The following NR2F2 variants were observed in gnomAD, a reference collection of about 807,000 sequenced individuals.
NR2F2 encodes the protein nuclear receptor subfamily 2 group F member 2.
A neutral mutation model predicts 34.8 loss-of-function variants in NR2F2; 2 were observed. The observed-to-expected ratio is 0.06, with a 90% CI of 0.02 to 0.18. NR2F2 has a LOEUF of 0.18. Ranked by LOEUF, NR2F2 falls within the 10% of genes least tolerant of loss-of-function variation. The pLI, the probability that NR2F2 is intolerant of heterozygous loss-of-function variation, is 1.00. For synonymous variants in NR2F2, 274 were observed against 251.8 expected, an observed-to-expected ratio of 1.09 and a Z score of -0.84; for missense variants, 300 against 580.1, an observed-to-expected ratio of 0.52 and a Z score of 4.96.
At chr15:96,333,860 A>G (rs947513885) in intron 1 of NR2F2, 1 of 1,421,732 alleles carries the variant, frequency 7.0e-7, no homozygotes, top group Non-Finnish European at 9.2e-7. Flanking sequence ...CCTCGGAGGC[A>G]AGTGTGCCCC....
Position 96,338,638 on chromosome 15 carries a change from A to C in NR2F2, c.*1016A>C, listed in dbSNP as rs1434505032. On this transcript the variant is annotated 3_prime_UTR_variant, in exon 3 of 3. Coordinates refer to ENST00000394166, the MANE Select transcript of NR2F2 (RefSeq NM_021005.4). ...CACTTATAGGTAACGTGATTGATTCAGTATCTTAGAGTTTACAGTTTGTGT... is the reference window on the plus strand; with the variant it reads ...CACTTATAGGTAACGTGATTGATTCCGTATCTTAGAGTTTACAGTTTGTGT... 1 of 152,562 alleles carries C rather than the reference A, an allele frequency of 6.6e-6. No individual in the cohort carries two copies. Among genetic ancestry groups the C allele is most frequent in the Non-Finnish European group, 1.5e-5 (1 of 68,032 alleles). 9.5% of individuals were successfully genotyped at this position (152,562 alleles called of 1,614,324 possible).
In NR2F2 at chr15:96,330,809, T is replaced by A; in HGVS notation, c.-1297T>A. On this transcript the variant is annotated 5_prime_UTR_variant, in exon 1 of 3. Transcript: ENST00000394166. ...TCTCTGTTCTTTTCTCTCCGCGGTG[T>A]GTGTGTGCGTGCGCGCGTGTGTGTT... The A allele has an allele frequency of 9.5e-7, 1 of 1,048,594 alleles. No homozygotes were observed. The highest frequency in any genetic ancestry group is 1.7e-5 in the African/African-American group (1 of 59,414). The allele number at this position is 1,048,594 out of a possible 1,614,324, so 65.0% of individuals were successfully genotyped here.
chr15:96,332,463 A>C lies in NR2F2; in HGVS notation c.358A>C (p.Asn120His). The change falls in exon 1 of 3, where the codon AAC (asparagine) becomes CAC (histidine). Residue 120 changes from asparagine to histidine, a missense_variant. Coordinates refer to ENST00000394166, the MANE Select transcript of NR2F2 (RefSeq NM_021005.4). ...NLSYTCRANR[N>H]CPIDQHHRNQ... ...GAGCTACACGTGCCGCGCCAACCGGAACTGTCCCATCGACCAGCACCATCG... is the reference window on the plus strand; with the variant it reads ...GAGCTACACGTGCCGCGCCAACCGGCACTGTCCCATCGACCAGCACCATCG... 6.2e-7 allele frequency: 1 copy of C among 1,614,188 alleles called. No homozygotes were observed. Among genetic ancestry groups the C allele is most frequent in the Non-Finnish European group, 8.5e-7 (1 of 1,180,020 alleles).
rs536062018 is a variant in NR2F2 at position 96,338,228 on chromosome 15, C to T, written c.*606C>T. The T allele has an allele frequency of 6.5e-6, 1 of 152,806 alleles. No individual in the cohort carries two copies. The highest frequency in any genetic ancestry group is 1.9e-4 in the East Asian group (1 of 5,194). 9.5% of individuals were successfully genotyped at this position (152,806 alleles called of 1,614,324 possible). ...AGGCAACTCAAAGATGATGGAAACG[C>T]ACTTACAAGTGGTGACCAAAATTTT... On this transcript the variant is annotated 3_prime_UTR_variant, in exon 3 of 3. Coordinates refer to ENST00000394166, the MANE Select transcript of NR2F2 (RefSeq NM_021005.4).
intron 1 of NR2F2, among the ~76,000 whole-genome samples, chr15:96,332,954 A>AC (rs1007363329): frequency 2.0e-5 from 3 of 151,070 alleles, no homozygotes; most frequent in Non-Finnish European, 2.9e-5. Context: ...AAAAAAAAAA[A>AC]AAAAAACCTG....
rs1323739418 is a variant in NR2F2 at position 96,338,485 on chromosome 15, G to A, written c.*863G>A. The A allele has an allele frequency of 6.6e-6, 1 of 152,576 alleles. No individual in the cohort carries two copies. The highest frequency in any genetic ancestry group is 2.4e-5 in the African/African-American group (1 of 41,438). The allele number at this position is 152,576 out of a possible 1,614,324, so 9.5% of individuals were successfully genotyped here. A position where few individuals can be genotyped will look rare whatever the true frequency, so the allele number is the denominator to read the frequency against. On this transcript the variant is annotated 3_prime_UTR_variant, in exon 3 of 3. Transcript: ENST00000394166. ...TGTAATTTGAATTGGGTCCCGCTTA[G>A]TTCTTGAATTGTTATGAAAATCCTA...
chr15:96,328,466 C>T (rs1899047788), upstream of NR2F2, among the ~76,000 whole-genome samples: 2 of 152,180 alleles, frequency 1.3e-5, no homozygotes, highest in Non-Finnish European at 2.9e-5. Context: ...TGGGAATGCC[C>T]ATTAGATTTC....
chr15:96,335,365 A>G (rs1330315928), intron 2 of NR2F2, among the ~76,000 whole-genome samples: 2 of 152,368 alleles, frequency 1.3e-5, no homozygotes, highest in East Asian at 3.9e-4. Flanking sequence ...GCATTATGCA[A>G]TCTAATTAGT....
At position 96,331,599 on chromosome 15, in the gene NR2F2, T is replaced by G. The variant is rs1899145174; in HGVS notation, c.-507T>G. The G allele has an allele frequency of 1.7e-6, 2 of 1,189,612 alleles. No individual in the cohort carries two copies. Among genetic ancestry groups the G allele is most frequent in the Admixed American group, 4.3e-5 (1 of 23,120 alleles). The allele number at this position is 1,189,612 out of a possible 1,614,324, so 73.7% of individuals were successfully genotyped here. A position where few individuals can be genotyped will look rare whatever the true frequency, so the allele number is the denominator to read the frequency against. On this transcript the variant is annotated 5_prime_UTR_variant, in exon 1 of 3. Coordinates refer to ENST00000394166, the MANE Select transcript of NR2F2 (RefSeq NM_021005.4). Reference sequence around the variant, plus strand: ...TTCCTCCTCCTCCTCCTCCTCCTCCTCCGCCAACTCCTCGGCTGCACACCA... The same window carrying G: ...TTCCTCCTCCTCCTCCTCCTCCTCCGCCGCCAACTCCTCGGCTGCACACCA...
upstream of NR2F2, chr15:96,326,375 TTC>T (rs749877354): frequency 1.7e-5 from 28 of 1,603,828 alleles, no homozygotes; most frequent in Middle Eastern, 1.7e-4. This position sits in a 1 kb window ranked among gnomAD's most constrained non-coding sequence, Gnocchi z 5.5. Flanking sequence ...ACAGTATTTT[TTC>T]TCTCTCTCTT....
Position 96,331,039 on chromosome 15 carries a change from G to C in NR2F2, c.-1067G>C. The C allele has an allele frequency of 2.4e-6, 3 of 1,239,998 alleles. No individual in the cohort carries two copies. Among genetic ancestry groups the C allele is most frequent in the Non-Finnish European group, 3.0e-6 (3 of 995,510 alleles). 76.8% of individuals were successfully genotyped at this position (1,239,998 alleles called of 1,614,324 possible). On this transcript the variant is annotated 5_prime_UTR_variant, in exon 1 of 3. Transcript: ENST00000394166. ...GCGAGTTGACTCTTTCCCTATGTGT[G>C]TGAGGCGGCGGCGGCAGCAGCAGCA...
At position 96,331,266 on chromosome 15, in the gene NR2F2, C is replaced by T. The variant is rs1899131565; in HGVS notation, c.-840C>T. On this transcript the variant is annotated 5_prime_UTR_variant, in exon 1 of 3. Transcript: ENST00000394166. The stretch of plus-strand genomic sequence containing the variant: ...GCGGCCGGAGAGAGCGAGGCGCGCG[C>T]CGGACGCCCGGGGCAGGCGGCGGCG... 1 of 998,248 alleles carries T rather than the reference C, an allele frequency of 1.0e-6. No individual in the cohort carries two copies. The highest frequency in any genetic ancestry group is 1.2e-6 in the Non-Finnish European group (1 of 840,158). The allele number at this position is 998,248 out of a possible 1,614,324, so 61.8% of individuals were successfully genotyped here.
chr15:96,334,171 G>A lies in NR2F2; in HGVS notation c.538G>A (p.Gly180Arg), dbSNP rs2141169030. The A allele has an allele frequency of 6.2e-7, 1 of 1,614,156 alleles. No individual in the cohort carries two copies. Among genetic ancestry groups the A allele is most frequent in the Non-Finnish European group, 8.5e-7 (1 of 1,180,044 alleles). ...CCTCAACTGCCACTCGTACCTGTCC[G>A]GATATATTTCCCTGCTGTTGCGCGC... ...DPLNCHSYLSGYISLLLRAEP... is the reference protein window; with the variant it reads ...DPLNCHSYLSRYISLLLRAEP... The change falls in exon 2 of 3, where the codon GGA becomes AGA. Residue 180 changes from glycine (G) to arginine (R), a missense_variant. Transcript: ENST00000394166.
chr15:96,326,397 A>G (rs767289871), upstream of NR2F2: 14 of 1,527,376 alleles, frequency 9.2e-6, no homozygotes, highest in Non-Finnish European at 1.3e-5. This position sits in a 1 kb window ranked among gnomAD's most constrained non-coding sequence, Gnocchi z 5.5. Context: ...TTCCTTTCTC[A>G]CTTTTCTGCT....
rs1342921494 is a variant in NR2F2, at chr15:96,338,721, TATA to T, written c.*1104_*1106del. On this transcript the variant is annotated 3_prime_UTR_variant, in exon 3 of 3. Transcript: ENST00000394166. ...CAACATTTCTGTATACTGTAAAAGT[TATA>T]ATAACTGAACTGTTTGGTCGAGTCT... 1 of 152,514 alleles carries T rather than the reference TATA, an allele frequency of 6.6e-6. No individual in the cohort carries two copies. Among genetic ancestry groups the T allele is most frequent in the Non-Finnish European group, 1.5e-5 (1 of 68,022 alleles). 9.4% of individuals were successfully genotyped at this position (152,514 alleles called of 1,614,324 possible). A position where few individuals can be genotyped will look rare whatever the true frequency, so the allele number is the denominator to read the frequency against.
Position 96,334,429 on chromosome 15 carries a change from G to A in NR2F2, c.796G>A (p.Val266Ile), listed in dbSNP as rs1899256927. Residue 266 changes from valine to isoleucine, a missense_variant, in exon 2 of 3, where the codon GTC (valine) becomes ATC (isoleucine). Around this residue, in one of 6 missense-constraint regions of NR2F2, gnomAD observed 164 missense variants for 365.3 expected, o/e 0.45. Transcript: ENST00000394166. ...NAAQCSMPLHVAPLLAAAGLH... is the reference protein window; with the variant it reads ...NAAQCSMPLHIAPLLAAAGLH... ...GGCGCAGTGCTCCATGCCCCTCCAC[G>A]TCGCCCCGCTCCTGGCCGCCGCCGG... is the stretch of plus-strand genomic sequence containing the variant. 1.9e-6 allele frequency: 3 copies of A among 1,613,878 alleles called. No individual in the cohort carries two copies. The highest frequency in any genetic ancestry group is 2.5e-6 in the Non-Finnish European group (3 of 1,179,960).
chr15:96,331,184 G>A lies in NR2F2; in HGVS notation c.-922G>A, dbSNP rs1899129358. The A allele has an allele frequency of 3.1e-6, 3 of 972,600 alleles. No individual in the cohort carries two copies. Among genetic ancestry groups the A allele is most frequent in the African/African-American group, 3.6e-5 (2 of 56,304 alleles). The allele number at this position is 972,600 out of a possible 1,614,324, so 60.2% of individuals were successfully genotyped here. A position where few individuals can be genotyped will look rare whatever the true frequency, so the allele number is the denominator to read the frequency against. ...GGCGGCGGCTCCGGCGGCAGCGGCG[G>A]CCCGGGCGGCCCGCAGGGAACGGCG... On this transcript the variant is annotated 5_prime_UTR_variant, in exon 1 of 3. Coordinates refer to ENST00000394166, the MANE Select transcript of NR2F2 (RefSeq NM_021005.4).
intron 1 of NR2F2, among the ~76,000 whole-genome samples, chr15:96,332,941 CAA>C (rs752483227): frequency 0.049 from 2,868 of 58,006 alleles, 173 homozygotes; most frequent in African/African-American, 0.17. Context: ...CCCACCCTCT[CAA>C]AAAAAAAAAA....
intron 2 of NR2F2, among the ~76,000 whole-genome samples, chr15:96,336,530 C>T (rs1019855142): frequency 1.3e-5 from 2 of 152,086 alleles, no homozygotes; most frequent in Non-Finnish European, 2.9e-5. Flanking sequence ...GGTCAGGTCA[C>T]AACCTGAACC....
Sources: allele counts gnomAD v4.1 joint callset (sites outside exome capture counted in the v4.1 genomes callset), GRCh38; gene constraint gnomAD v4.1.1; regional missense constraint gnomAD v4.1.1; non-coding constraint Gnocchi (gnomAD v3.1); transcripts MANE v1.5; gene names NCBI Gene and HGNC (gene_info 2026-07-23, HGNC 2026-07-21).